Variants in FBXW8 observed in about 807,000 individuals in gnomAD.
FBXW8 encodes the protein F-box and WD repeat domain containing 8, also known as F-box/WD repeat-containing protein 8.
Under a neutral mutation model 65.3 loss-of-function variants are expected in FBXW8, and 57 were observed. The observed-to-expected ratio is 0.87, with a 90% CI of 0.71 to 1.09. The LOEUF is 1.09. Among genes scored for constraint, FBXW8 ranks in the 50% least tolerant of loss-of-function variants. The probability of loss-of-function intolerance (pLI) is 0.00; values close to 1 mark genes in which losing one functional copy is unlikely to be tolerated. For synonymous variants in FBXW8, 308 were observed against 330.2 expected (o/e 0.93, Z 0.73); for missense variants, 777 against 814.8 (o/e 0.95, Z 0.57).
chr12:116,935,554 C>A (rs529897157), intron 2 of FBXW8, among the ~76,000 whole-genome samples: 1 of 152,330 alleles, frequency 6.6e-6, no homozygotes, highest in South Asian at 2.1e-4. Flanking sequence ...GACCCAAGTG[C>A]CCTCAGGAGT....
At chr12:116,946,069 A>G (rs974195103) in intron 3 of FBXW8, among the ~76,000 whole-genome samples, 4 of 152,192 alleles carry the variant, frequency 2.6e-5, no homozygotes, top group South Asian at 2.1e-4. Context: ...AAGTGTTTCC[A>G]TAGGAGATAA....
intron 2 of FBXW8, 130 bp from the exon 3 acceptor site, chr12:116,945,234 T>A: frequency 2.5e-6 from 2 of 787,448 alleles, no homozygotes; most frequent in Non-Finnish European, 3.9e-6. Flanking sequence ...CACCTCATAG[T>A]GTTTTGTTAA....
intron 1 of FBXW8, among the ~76,000 whole-genome samples, chr12:116,914,434 G>A (rs1050695554): frequency 4.0e-5 from 6 of 151,652 alleles, no homozygotes; most frequent in African/African-American, 4.9e-5. Flanking sequence ...ATTGGCCAGC[G>A]TGGTGGCATG....
intron 6 of FBXW8, 84 bp downstream of exon 6, chr12:116,985,486 C>T: frequency 4.5e-6 from 6 of 1,320,058 alleles, no homozygotes; most frequent in Middle Eastern, 2.3e-4. Flanking sequence ...GTGTTGGTAA[C>T]TCCCATTCAC....
At chr12:116,915,205 G>A (rs913292553) in intron 1 of FBXW8, among the ~76,000 whole-genome samples, 5 of 152,236 alleles carry the variant, frequency 3.3e-5, no homozygotes, top group Admixed American at 1.3e-4. Flanking sequence ...GGTAATGCAC[G>A]TGAGTGAGGT....
At chr12:116,994,011 AC>A (rs1431876515) in intron 7 of FBXW8, among the ~76,000 whole-genome samples, 2 of 152,194 alleles carry the variant, frequency 1.3e-5, no homozygotes, top group Non-Finnish European at 2.9e-5. Flanking sequence ...ATCTTTAAAA[AC>A]AATCCTAAAA....
Position 116,936,752 on chromosome 12 carries a change from C to T in FBXW8, c.424-8612C>T, listed in dbSNP as rs955444520. On this transcript the variant is annotated intron_variant, in intron 2 of 10. Coordinates refer to ENST00000652555, the MANE Select transcript of FBXW8 (RefSeq NM_153348.3). The surrounding 1 kb of genome is among the most constrained non-coding windows in gnomAD (Gnocchi z 4.6). ...AGCTAAGTTTGTAGTAGTTTGTTAG[C>T]GCAGCCATAGGAGACTGATACGGGG... Among the ~76,000 whole-genome samples the T allele has an allele frequency of 4.6e-5, 7 of 152,164 alleles. No individual in the cohort carries two copies. Among genetic ancestry groups the T allele is most frequent in the East Asian group, 1.9e-4 (1 of 5,170 alleles).
chr12:116,917,365 G>A (rs1413131762), intron 1 of FBXW8, among the ~76,000 whole-genome samples: 1 of 152,212 alleles, frequency 6.6e-6, no homozygotes, highest in Non-Finnish European at 1.5e-5. Flanking sequence ...GAAAGGAAGA[G>A]TTAGTTCCAT....
chr12:116,977,172 C>G (rs1885000101), intron 5 of FBXW8, among the ~76,000 whole-genome samples: 1 of 152,172 alleles, frequency 6.6e-6, no homozygotes, highest in African/African-American at 2.4e-5. Context: ...GCAGTTTCGC[C>G]ATCATTTAAA....
chr12:117,016,864 C>G (rs1358615735), intron 8 of FBXW8, among the ~76,000 whole-genome samples: 1 of 152,186 alleles, frequency 6.6e-6, no homozygotes, highest in Non-Finnish European at 1.5e-5. Flanking sequence ...ATCCAGCTAT[C>G]CTGGCACCAT....
chr12:116,947,183 T>G (rs1882986858), intron 3 of FBXW8, among the ~76,000 whole-genome samples: 1 of 152,192 alleles, frequency 6.6e-6, no homozygotes, highest in African/African-American at 2.4e-5. Context: ...ATATACAATC[T>G]AGCTGAATGT....
chr12:116,991,092 T>G (rs1953229465), intron 7 of FBXW8, among the ~76,000 whole-genome samples: 1 of 152,252 alleles, frequency 6.6e-6, no homozygotes, highest in Non-Finnish European at 1.5e-5. Context: ...TAAATGTCTC[T>G]TTGGAAGCTG....
chr12:116,945,442 G>T lies in FBXW8; in HGVS notation c.502G>T (p.Asp168Tyr), dbSNP rs752723013. The T allele has an allele frequency of 8.9e-5, 143 of 1,614,134 alleles. No homozygotes were observed. In the East Asian group the frequency reaches 3.1e-3, roughly 34 times the overall value. ...RLCQQEGHLP[D>Y]SSISDYSCWK... is the part of the protein sequence containing the mutation. ...GTGCCAGCAGGAAGGGCACCTTCCG[G>T]ATAGCAGCATCTCTGACTATTCTTG... is the stretch of plus-strand genomic sequence containing the variant. The change falls in exon 3 of 11, where the codon GAT becomes TAT. Residue 168 changes from aspartate to tyrosine, a missense_variant. Asp to Tyr is a radical substitution (Grantham distance 160). Transcript: ENST00000652555.
chr12:116,914,180 G>A (rs1399600720), intron 1 of FBXW8, among the ~76,000 whole-genome samples: 2 of 152,146 alleles, frequency 1.3e-5, no homozygotes, highest in Non-Finnish European at 2.9e-5. Context: ...GGCTGAGGTG[G>A]GAGGATCGCT....
At chr12:117,008,147 G>T (rs890934114) in intron 7 of FBXW8, among the ~76,000 whole-genome samples, 1 of 152,126 alleles carries the variant, frequency 6.6e-6, no homozygotes, top group South Asian at 2.1e-4. Flanking sequence ...AAGACACATG[G>T]ACCTACTCAG....
chr12:116,948,196 GT>G (rs1245899317), intron 3 of FBXW8, among the ~76,000 whole-genome samples: 2 of 152,032 alleles, frequency 1.3e-5, no homozygotes, highest in East Asian at 1.9e-4. Flanking sequence ...TGGCCATAGT[GT>G]TTTTTTTCCT....
chr12:116,969,671 G>A (rs1225551039), intron 5 of FBXW8, among the ~76,000 whole-genome samples: 1 of 151,660 alleles, frequency 6.6e-6, no homozygotes, highest in Non-Finnish European at 1.5e-5. Context: ...CCAAAGTGAG[G>A]CTCTGTAGCC....
At chr12:116,969,119 T>C (rs948812073) in intron 5 of FBXW8, among the ~76,000 whole-genome samples, 1 of 152,212 alleles carries the variant, frequency 6.6e-6, no homozygotes, top group African/African-American at 2.4e-5. Context: ...AGCTTGTCAG[T>C]CTTGTCCTTT....
chr12:117,002,102 G>A (rs980832141), intron 7 of FBXW8, among the ~76,000 whole-genome samples: 1 of 152,160 alleles, frequency 6.6e-6, no homozygotes, highest in Non-Finnish European at 1.5e-5. Flanking sequence ...GCCTCACTCC[G>A]GTCCTTTGTA....
Sources: gnomAD v4.1 joint callset for allele counts (sites outside exome capture counted in the v4.1 genomes callset) on GRCh38, gnomAD v4.1.1 for gene constraint, Gnocchi (gnomAD v3.1) non-coding constraint, MANE v1.5 for transcripts, NCBI Gene and HGNC (gene_info 2026-07-23, HGNC 2026-07-21) for gene names.